Variants in SMURF1 observed in about 807,000 individuals in gnomAD.
SMURF1 encodes the protein E3 ubiquitin-protein ligase SMURF1.
SMURF1 carries 44 observed loss-of-function variants against 98.0 expected under a neutral mutation model. The ratio of observed to expected loss-of-function variants is 0.45; its 90% confidence interval spans 0.35 to 0.58. The LOEUF is 0.58. Ranked by LOEUF, SMURF1 falls within the 20% of genes least tolerant of loss-of-function variation. SMURF1 has a pLI of 0.00. For missense variants in SMURF1, 687 were observed against 938.4 expected, an observed-to-expected ratio of 0.73 and a Z score of 3.50; for synonymous variants, 396 against 374.9, an observed-to-expected ratio of 1.06 and a Z score of -0.65.
chr7:99,119,855 C>T (rs1797560803), intron 1 of SMURF1, among the ~76,000 whole-genome samples: 1 of 152,214 alleles, frequency 6.6e-6, no homozygotes, highest in South Asian at 2.1e-4. Flanking sequence ...CCATTTTCAA[C>T]TCTTTTGTCT....
chr7:99,047,166 C>T (rs976504481), intron 10 of SMURF1, among the ~76,000 whole-genome samples: 4 of 152,238 alleles, frequency 2.6e-5, no homozygotes, highest in Admixed American at 6.5e-5. Context: ...CCAAGAGCCA[C>T]CTGCTCCTCG....
At chr7:99,037,914 A>G (rs1356456906) in intron 14 of SMURF1, among the ~76,000 whole-genome samples, 1 of 152,212 alleles carries the variant, frequency 6.6e-6, no homozygotes, top group Non-Finnish European at 1.5e-5. Context: ...GTGTAAAAGT[A>G]CATTTGAAAG....
intron 1 of SMURF1, among the ~76,000 whole-genome samples, chr7:99,132,624 C>T (rs1254228534): frequency 6.6e-6 from 1 of 151,666 alleles, no homozygotes; most frequent in African/African-American, 2.4e-5. Flanking sequence ...TTTATTTAGG[C>T]TGAAGGCCTG....
At chr7:99,112,497 C>G (rs1187307279) in intron 1 of SMURF1, among the ~76,000 whole-genome samples, 1 of 152,254 alleles carries the variant, frequency 6.6e-6, no homozygotes, top group Non-Finnish European at 1.5e-5. Flanking sequence ...ATAGCTATAA[C>G]AAGCAGCAAC....
Position 99,030,635 on chromosome 7 carries a change from G to A in SMURF1, c.2145C>T (p.Tyr715=), listed in dbSNP as rs750339697. 30 of 1,614,018 alleles carry A rather than the reference G, an allele frequency of 1.9e-5. No individual in the cohort carries two copies. The highest frequency in any genetic ancestry group is 9.9e-5 in the South Asian group (9 of 91,092). Residue 715 remains tyrosine (Y), a synonymous_variant, in exon 18 of 18, where the codon TAC becomes TAT. Transcript: ENST00000361368. The part of the protein sequence containing the change: ...IPPYESYEKL[Y]EKLLTAVEET... ...CCTCCACGGCTGTCAGCAGCTTCTCGTAGAGCTTCTCATAGGACTCATATG... is the reference window on the plus strand; with the variant it reads ...CCTCCACGGCTGTCAGCAGCTTCTCATAGAGCTTCTCATAGGACTCATATG...
rs1797673480 is a variant in SMURF1, at chr7:99,122,933, C to T, written c.55+20793G>A. On this transcript the variant is annotated intron_variant, in intron 1 of 17. Coordinates refer to ENST00000361368, the MANE Select transcript of SMURF1 (RefSeq NM_181349.3). ...AAGGCTAATGAAGCAGAATCCCAAA[C>T]GCTGCCTCAAAGTGACAGGCAGGTT... Among the ~76,000 whole-genome samples the T allele has an allele frequency of 2.0e-5, 3 of 151,686 alleles. No homozygotes were observed. The South Asian group carries it at 6.3e-4, about 32-fold the overall frequency.
At chr7:99,126,589 A>G (rs1797751448) in intron 1 of SMURF1, among the ~76,000 whole-genome samples, 1 of 152,170 alleles carries the variant, frequency 6.6e-6, no homozygotes, top group South Asian at 2.1e-4. Flanking sequence ...CAGGAGATGG[A>G]GGTTGCAGTG....
chr7:99,029,202 T>A lies in SMURF1; in HGVS notation c.*1382A>T, dbSNP rs920208085. On this transcript the variant is annotated 3_prime_UTR_variant, in exon 18 of 18. Transcript: ENST00000361368. ...GAGACTTCGACAGCAGTGAAATGTC[T>A]TGCTCATGAATTACCCTGTACTTGC... 6.5e-6 allele frequency: 1 copy of A among 152,690 alleles called. No homozygotes were observed. Among genetic ancestry groups the A allele is most frequent in the African/African-American group, 2.4e-5 (1 of 41,448 alleles). 9.5% of individuals were successfully genotyped at this position (152,690 alleles called of 1,614,324 possible).
intron 1 of SMURF1, among the ~76,000 whole-genome samples, chr7:99,068,348 G>A (rs185473375): frequency 5.3e-5 from 8 of 152,154 alleles, no homozygotes; most frequent in Non-Finnish European, 1.0e-4. Context: ...TAGAGTGCAG[G>A]GGCACAATCA....
intron 1 of SMURF1, among the ~76,000 whole-genome samples, chr7:99,100,108 TAA>T (rs10559622): frequency 0.8 from 113,204 of 141,702 alleles, 46,690 homozygotes; most frequent in Non-Finnish European, 0.92. Flanking sequence ...TGGGAAAAGT[TAA>T]AAAAAAAAAA....
At chr7:99,139,780 G>A (rs1202266326) in intron 1 of SMURF1, among the ~76,000 whole-genome samples, 7 of 152,036 alleles carry the variant, frequency 4.6e-5, no homozygotes, top group Admixed American at 2.6e-4. Flanking sequence ...AAAAACATTC[G>A]TTAAAATGTT....
intron 1 of SMURF1, among the ~76,000 whole-genome samples, chr7:99,100,314 G>A (rs1324666546): frequency 6.6e-6 from 1 of 152,238 alleles, no homozygotes; most frequent in African/African-American, 2.4e-5. Flanking sequence ...TAGTACTTCG[G>A]GAGGCCGAGG....
chr7:99,114,237 TAC>T (rs760728373), intron 1 of SMURF1, among the ~76,000 whole-genome samples: 1 of 152,104 alleles, frequency 6.6e-6, no homozygotes, highest in Non-Finnish European at 1.5e-5. Context: ...ATTAAAATAA[TAC>T]ACTAGAAAAT....
In SMURF1 at chr7:99,120,368, AAAAAG is replaced by A. The variant is rs201358566; in HGVS notation, c.55+23353_55+23357del. 6.2e-3 allele frequency among the ~76,000 whole-genome samples: 943 copies of A among 152,316 alleles called. 14 individuals carry two copies. The highest frequency in any genetic ancestry group is 0.022 in the African/African-American group (896 of 41,566). On this transcript the variant is annotated intron_variant, in intron 1 of 17. Coordinates refer to ENST00000361368, the MANE Select transcript of SMURF1 (RefSeq NM_181349.3). ...CCAGGTACACTTACAGGCATCAGAC[AAAAAG>A]ATGTCCTATCATTGTCTATTACTAC...
intron 1 of SMURF1, among the ~76,000 whole-genome samples, chr7:99,066,223 G>A (rs778044168): frequency 5.9e-5 from 9 of 152,098 alleles, no homozygotes; most frequent in Non-Finnish European, 1.3e-4. Context: ...TTCTCCAGTG[G>A]CTTCCCCTTG....
At chr7:99,047,634 G>T in intron 10 of SMURF1, 50 bp downstream of exon 10, 1 of 1,578,024 alleles carries the variant, frequency 6.3e-7, no homozygotes, top group Non-Finnish European at 8.7e-7. Context: ...TGTCTGAATT[G>T]CCTTATTTGT....
chr7:99,101,329 A>G (rs2150590304), intron 1 of SMURF1, among the ~76,000 whole-genome samples: 3 of 152,272 alleles, frequency 2.0e-5, no homozygotes, highest in Non-Finnish European at 4.4e-5. Flanking sequence ...CTATGATTGC[A>G]CCACTGCACT....
In SMURF1 at chr7:99,098,178, C is replaced by A. The variant is rs1362856970; in HGVS notation, c.56-36341G>T. Among the ~76,000 whole-genome samples the A allele has an allele frequency of 2.0e-5, 3 of 152,186 alleles. No individual in the cohort carries two copies. The East Asian group carries it at 5.8e-4, about 29-fold the overall frequency. On this transcript the variant is annotated intron_variant, in intron 1 of 17. Coordinates refer to ENST00000361368, the MANE Select transcript of SMURF1 (RefSeq NM_181349.3). ...AAGAATAAACAAAATCATCTACACC[C>A]TTCTCCTTATTTCAGGAGTTAAATC...
At chr7:99,120,336 A>G (rs1797581094) in intron 1 of SMURF1, among the ~76,000 whole-genome samples, 1 of 152,204 alleles carries the variant, frequency 6.6e-6, no homozygotes, top group Non-Finnish European at 1.5e-5. Context: ...GTATGGCTTC[A>G]AAGTCTCCAG....
Sources: allele counts gnomAD v4.1 joint callset (sites outside exome capture counted in the v4.1 genomes callset), GRCh38; gene constraint gnomAD v4.1.1; transcripts MANE v1.5; gene names NCBI Gene and HGNC (gene_info 2026-07-23, HGNC 2026-07-21).